The following PDZK1 variants were observed in gnomAD, a reference collection of about 807,000 sequenced individuals.
PDZK1 encodes the protein Na(+)/H(+) exchange regulatory cofactor NHE-RF3.
Under a neutral mutation model 38.1 loss-of-function variants are expected in PDZK1, and 23 were observed. The observed-to-expected ratio is 0.60, with a 90% CI of 0.43 to 0.85. The LOEUF (loss-of-function observed/expected upper bound fraction) is 0.85, where lower values mean the gene tolerates loss of function less well. Ranked by LOEUF, PDZK1 falls within the 40% of genes least tolerant of loss-of-function variation. The probability of loss-of-function intolerance (pLI) is 0.00; values close to 1 mark genes in which losing one functional copy is unlikely to be tolerated. For synonymous variants in PDZK1, 98 were observed against 186.2 expected, an observed-to-expected ratio of 0.53 and a Z score of 3.86; for missense variants, 297 against 504.3, an observed-to-expected ratio of 0.59 and a Z score of 3.94.
Position 145,689,168 on chromosome 1 carries a change from C to T in PDZK1, c.-2-1145G>A, listed in dbSNP as rs959790876. 8.5e-4 allele frequency among the ~76,000 whole-genome samples: 130 copies of T among 152,182 alleles called. 1 individual carries two copies. Among genetic ancestry groups the T allele is most frequent in the African/African-American group, 3.0e-3 (125 of 41,436 alleles). ...GCGCAATCGCAGCTCACTGCAGCCT[C>T]GAATTCCTGGGCTTAGGCGATCCTC... is the stretch of plus-strand genomic sequence containing the variant. On this transcript the variant is annotated intron_variant, in intron 1 of 8. Coordinates refer to ENST00000417171, the MANE Select transcript of PDZK1 (RefSeq NM_001201325.2).
chr1:145,706,936 G>A (rs1443923577), intron 1 of PDZK1, among the ~76,000 whole-genome samples: 2 of 151,922 alleles, frequency 1.3e-5, no homozygotes, highest in Non-Finnish European at 1.5e-5. Context: ...TGCTACCCAA[G>A]GCCCCTGTAT....
intron 3 of PDZK1, among the ~76,000 whole-genome samples, chr1:145,685,381 C>T (rs1654661497): frequency 6.6e-6 from 1 of 152,240 alleles, no homozygotes; most frequent in Admixed American, 6.5e-5. Flanking sequence ...CCATTTTCCT[C>T]ATAAAGCTAA....
chr1:145,684,191 A>G (rs1308120309), intron 3 of PDZK1, among the ~76,000 whole-genome samples: 1 of 139,868 alleles, frequency 7.1e-6, no homozygotes, highest in East Asian at 2.1e-4. Flanking sequence ...CAGCATCACT[A>G]TCCTTGCATT....
At chr1:145,690,830 A>G (rs1655186412) in intron 1 of PDZK1, among the ~76,000 whole-genome samples, 1 of 152,216 alleles carries the variant, frequency 6.6e-6, no homozygotes, top group South Asian at 2.1e-4. Context: ...TGAGCCTGAC[A>G]TACAAAGAAA....
intron 1 of PDZK1, among the ~76,000 whole-genome samples, chr1:145,699,758 C>T (rs1209861334): frequency 6.6e-6 from 1 of 152,156 alleles, no homozygotes; most frequent in Admixed American, 6.5e-5. Context: ...CCCCCAGGAT[C>T]GATTCTGAGT....
chr1:145,686,871 C>T, intron 2 of PDZK1, 145 bp from the exon 3 acceptor site: 1 of 950,626 alleles, frequency 1.1e-6, no homozygotes, highest in Non-Finnish European at 1.6e-6. Context: ...GTTCCTCAGC[C>T]ACCTCCATCC....
intron 1 of PDZK1, among the ~76,000 whole-genome samples, chr1:145,697,309 AGAGT>A (rs1655683930): frequency 1.3e-5 from 2 of 152,030 alleles, no homozygotes; most frequent in South Asian, 4.2e-4. Flanking sequence ...TCTGGGCAAC[AGAGT>A]GAGTGAGACA....
chr1:145,698,109 C>T (rs1045939572), intron 1 of PDZK1, among the ~76,000 whole-genome samples: 11 of 151,958 alleles, frequency 7.2e-5, no homozygotes, highest in Admixed American at 2.6e-4. Context: ...ATCTCTCCTA[C>T]GAAGTAGCTG....
intron 1 of PDZK1, among the ~76,000 whole-genome samples, chr1:145,695,767 G>GA: frequency 6.6e-6 from 1 of 152,254 alleles, no homozygotes; most frequent in South Asian, 2.1e-4. Context: ...ACTCACACGT[G>GA]ATAAAGGGCC....
At position 145,672,931 on chromosome 1, in the gene PDZK1, G is replaced by C; in HGVS notation, c.1305C>G (p.Pro435=). The C allele has an allele frequency of 6.3e-7, 1 of 1,596,900 alleles. No homozygotes were observed. The highest frequency in any genetic ancestry group is 1.1e-5 in the South Asian group (1 of 90,568). ...GGATTCTATCCACCACCTTCTCATA[G>C]GGTTCATCTAGCACATTCACCCCAT... The part of the protein sequence containing the change: ...EVNGVNVLDE[P]YEKVVDRIQS... Residue 435 remains proline (P), a synonymous_variant, in exon 8 of 9, where the codon CCC becomes CCG. Transcript: ENST00000417171.
intron 5 of PDZK1, 136 bp downstream of exon 5, chr1:145,680,776 C>T (rs1461868322): frequency 6.2e-6 from 3 of 480,484 alleles, no homozygotes; most frequent in African/African-American, 4.1e-5. Context: ...GTGACATAGA[C>T]GCTGACCCAG....
chr1:145,674,832 A>G (rs1653484115), intron 6 of PDZK1, among the ~76,000 whole-genome samples: 1 of 152,068 alleles, frequency 6.6e-6, no homozygotes, highest in Admixed American at 6.6e-5. Context: ...TCTATATCCT[A>G]CTAGATCTGT....
chr1:145,695,119 A>C (rs1398164367), intron 1 of PDZK1, among the ~76,000 whole-genome samples: 2 of 151,704 alleles, frequency 1.3e-5, no homozygotes, highest in Non-Finnish European at 2.9e-5. Flanking sequence ...CCATGTTATG[A>C]AAGTGGGAAA....
At position 145,674,231 on chromosome 1, in the gene PDZK1, C is replaced by T. The variant is rs1553698858; in HGVS notation, c.991-350G>A. The T allele has an allele frequency of 1.2e-5, 12 of 985,268 alleles. No homozygotes were observed. The East Asian group carries it at 5.7e-4, about 47-fold the overall frequency. The allele number at this position is 985,268 out of a possible 1,614,324, so 61.0% of individuals were successfully genotyped here. On this transcript the variant is annotated intron_variant, in intron 6 of 8. Transcript: ENST00000417171. ...CACTGAACAAGCTATACATAATCTC[C>T]CTGTTGGGAAATGACATATCTGACC... is the stretch of plus-strand genomic sequence containing the variant.
intron 1 of PDZK1, among the ~76,000 whole-genome samples, chr1:145,700,096 G>T (rs868954745): frequency 2.6e-4 from 40 of 152,142 alleles, no homozygotes; most frequent in African/African-American, 9.4e-4. Flanking sequence ...CAGAAGACAG[G>T]AAGAAATTAC....
chr1:145,695,047 A>T (rs923462309), intron 1 of PDZK1, among the ~76,000 whole-genome samples: 28 of 152,134 alleles, frequency 1.8e-4, no homozygotes, highest in African/African-American at 6.5e-4. Flanking sequence ...CAACATATGG[A>T]TGACATTTCA....
chr1:145,701,648 T>C (rs1655964551), intron 1 of PDZK1, among the ~76,000 whole-genome samples: 1 of 152,188 alleles, frequency 6.6e-6, no homozygotes, highest in Non-Finnish European at 1.5e-5. Context: ...GCATCAGCCC[T>C]GACTCCAAGG....
intron 1 of PDZK1, among the ~76,000 whole-genome samples, chr1:145,693,962 A>G (rs1240636930): frequency 6.6e-6 from 1 of 152,072 alleles, no homozygotes; most frequent in African/African-American, 2.4e-5. Context: ...CCTTGGTCAC[A>G]CCGTGCAGTC....
At chr1:145,677,311 C>A in intron 6 of PDZK1, among the ~76,000 whole-genome samples, 1 of 151,152 alleles carries the variant, frequency 6.6e-6, no homozygotes, top group Non-Finnish European at 1.5e-5. Context: ...TCTTTCTATC[C>A]TAACTAAATA....
Sources: allele counts gnomAD v4.1 joint callset (sites outside exome capture counted in the v4.1 genomes callset), GRCh38; gene constraint gnomAD v4.1.1; transcripts MANE v1.5; gene names NCBI Gene and HGNC (gene_info 2026-07-23, HGNC 2026-07-21).